The following KCNH5 variants were observed in gnomAD, a reference collection of about 807,000 sequenced individuals.
KCNH5 encodes potassium voltage-gated channel subfamily H member 5.
A neutral mutation model predicts 96.1 loss-of-function variants in KCNH5; 46 were observed. That is an observed-to-expected ratio of 0.48 (90% confidence interval 0.38 to 0.61). The LOEUF (loss-of-function observed/expected upper bound fraction) is 0.61, where lower values mean the gene tolerates loss of function less well. Among genes scored for constraint, KCNH5 ranks in the 20% least tolerant of loss-of-function variants. KCNH5 has a pLI of 0.00. For synonymous variants in KCNH5, 439 were observed against 449.8 expected (o/e 0.98, Z 0.30); for missense variants, 907 against 1,225.8 (o/e 0.74, Z 3.88).
At chr14:62,886,121 G>GAC (rs58900799) in intron 7 of KCNH5, among the ~76,000 whole-genome samples, 5,020 of 147,760 alleles carry the variant, frequency 0.034, 93 homozygotes, top group Middle Eastern at 0.052. Context: ...ACCTGCAGAG[G>GAC]ACACACACAC....
chr14:62,837,574 C>T (rs1372866566), intron 8 of KCNH5, among the ~76,000 whole-genome samples: 1 of 152,060 alleles, frequency 6.6e-6, no homozygotes, highest in African/African-American at 2.4e-5. Context: ...ATTTCTCTAA[C>T]AGAAAACTTA....
At position 63,036,493 on chromosome 14, in the gene KCNH5, C is replaced by T. The variant is rs144395744; in HGVS notation, c.73+8621G>A. Among the ~76,000 whole-genome samples the T allele has an allele frequency of 2.8e-5, 4 of 141,050 alleles. No homozygotes were observed. In the East Asian group the frequency reaches 6.6e-4, roughly 23 times the overall value. 92.5% of individuals were successfully genotyped at this position (141,050 alleles called of 152,430 possible). ...ATACTAAAGACACTTTGAATAGAAACGGGAGATACAAAAAAAAAAAAGTCA... is the reference window on the plus strand; with the variant it reads ...ATACTAAAGACACTTTGAATAGAAATGGGAGATACAAAAAAAAAAAAGTCA... On this transcript the variant is annotated intron_variant, in intron 1 of 10. Coordinates refer to ENST00000322893, the MANE Select transcript of KCNH5 (RefSeq NM_139318.5).
At chr14:62,837,222 T>A (rs1242025115) in intron 8 of KCNH5, among the ~76,000 whole-genome samples, 1 of 152,122 alleles carries the variant, frequency 6.6e-6, no homozygotes, top group Non-Finnish European at 1.5e-5. Context: ...TCAAAGAAAG[T>A]AAAAATGTAC....
intron 7 of KCNH5, among the ~76,000 whole-genome samples, chr14:62,947,294 G>A (rs900069764): frequency 3.3e-5 from 5 of 152,098 alleles, no homozygotes; most frequent in East Asian, 1.9e-4. Context: ...GTTGTCTTCT[G>A]AATTTATAAA....
chr14:62,708,519 T>C (rs867293652), intron 10 of KCNH5, 64 bp from the exon 11 acceptor site: 2 of 991,972 alleles, frequency 2.0e-6, no homozygotes, highest in Middle Eastern at 6.2e-4. Context: ...AGTTGTATAA[T>C]ACTATGCTGT....
intron 7 of KCNH5, among the ~76,000 whole-genome samples, chr14:62,910,268 C>T (rs1250652821): frequency 6.6e-6 from 1 of 151,706 alleles, no homozygotes. Flanking sequence ...AAATAGCAAA[C>T]ATCATGCTTA....
chr14:62,745,046 T>C (rs1885347743), intron 10 of KCNH5, among the ~76,000 whole-genome samples: 3 of 152,172 alleles, frequency 2.0e-5, no homozygotes, highest in Non-Finnish European at 4.4e-5. Context: ...CCCTCTACAT[T>C]TTGCTTTGAC....
At chr14:62,963,216 T>G (rs1272882138) in intron 6 of KCNH5, among the ~76,000 whole-genome samples, 1 of 152,172 alleles carries the variant, frequency 6.6e-6, no homozygotes, top group African/African-American at 2.4e-5. Flanking sequence ...TATTGTTTAT[T>G]TCTTACTGTG....
At chr14:62,796,169 A>C (rs1025871538) in intron 9 of KCNH5, among the ~76,000 whole-genome samples, 2 of 152,156 alleles carry the variant, frequency 1.3e-5, no homozygotes, top group African/African-American at 4.8e-5. Flanking sequence ...ATTATACCTT[A>C]GGAAGATTAT....
intron 10 of KCNH5, among the ~76,000 whole-genome samples, chr14:62,714,059 G>A (rs1328173395): frequency 6.6e-6 from 1 of 151,954 alleles, no homozygotes; most frequent in Non-Finnish European, 1.5e-5. Context: ...AAAGTGGGAG[G>A]ATCACTTGAG....
chr14:62,934,701 T>C (rs1889644943), intron 7 of KCNH5, among the ~76,000 whole-genome samples: 1 of 152,164 alleles, frequency 6.6e-6, no homozygotes, highest in African/African-American at 2.4e-5. Flanking sequence ...AGCTTTGAGT[T>C]TCAAATTAGA....
At chr14:62,714,986 G>A (rs1460650489) in intron 10 of KCNH5, among the ~76,000 whole-genome samples, 1 of 152,154 alleles carries the variant, frequency 6.6e-6, no homozygotes, top group African/African-American at 2.4e-5. Context: ...TATCAGCAAA[G>A]AGGTTTATTT....
intron 7 of KCNH5, among the ~76,000 whole-genome samples, chr14:62,894,700 G>A (rs1469022235): frequency 1.3e-5 from 2 of 152,150 alleles, no homozygotes; most frequent in Non-Finnish European, 2.9e-5. Context: ...CAAGCAAAAG[G>A]TTAATTGTAT....
chr14:62,855,300 T>C (rs1887906705), intron 7 of KCNH5, among the ~76,000 whole-genome samples: 1 of 152,164 alleles, frequency 6.6e-6, no homozygotes, highest in African/African-American at 2.4e-5. Flanking sequence ...TTCATATTCA[T>C]GATATTTAAT....
intron 1 of KCNH5, among the ~76,000 whole-genome samples, chr14:63,044,495 G>A (rs139817095): frequency 5.1e-4 from 77 of 152,272 alleles, no homozygotes; most frequent in African/African-American, 1.8e-3. Flanking sequence ...ATAGATGAAT[G>A]TACAGTGAAA....
chr14:63,023,199 T>A (rs1299194223), intron 1 of KCNH5, among the ~76,000 whole-genome samples: 1 of 147,592 alleles, frequency 6.8e-6, no homozygotes, highest in Non-Finnish European at 1.5e-5. Flanking sequence ...CAAGACTACA[T>A]CTCAAAAAAA....
intron 6 of KCNH5, among the ~76,000 whole-genome samples, chr14:62,956,309 A>C (rs1418178067): frequency 2.0e-5 from 3 of 152,000 alleles, no homozygotes. Flanking sequence ...AGATGGAACT[A>C]CTCCATGGGG....
chr14:62,970,413 G>T (rs921308160), intron 6 of KCNH5, among the ~76,000 whole-genome samples: 23 of 152,088 alleles, frequency 1.5e-4, no homozygotes, highest in Admixed American at 6.6e-5. Flanking sequence ...AACATTTAAG[G>T]AATAAATTAT....
intron 4 of KCNH5, among the ~76,000 whole-genome samples, chr14:62,990,086 C>CT (rs1890781205): frequency 6.6e-6 from 1 of 151,612 alleles, no homozygotes; most frequent in Admixed American, 6.6e-5. Context: ...GAAAAGCCCA[C>CT]TTTCGTTCCC....
Sources: allele counts gnomAD v4.1 joint callset (sites outside exome capture counted in the v4.1 genomes callset), GRCh38; gene constraint gnomAD v4.1.1; transcripts MANE v1.5; gene names NCBI Gene and HGNC (gene_info 2026-07-23, HGNC 2026-07-21).